PLA2R1: variants seen among roughly 807,000 people sequenced by gnomAD.
PLA2R1 encodes secretory phospholipase A2 receptor.
PLA2R1 carries 158 observed loss-of-function variants against 195.9 expected under a neutral mutation model. The observed-to-expected ratio is 0.81, with a 90% CI of 0.71 to 0.92. The LOEUF (loss-of-function observed/expected upper bound fraction) is 0.92. Ranked by LOEUF, PLA2R1 falls within the 40% of genes least tolerant of loss-of-function variation. The pLI, the probability that PLA2R1 is intolerant of heterozygous loss-of-function variation, is 0.00. For synonymous variants in PLA2R1, 586 were observed against 598.2 expected, an observed-to-expected ratio of 0.98 and a Z score of 0.30; for missense variants, 1,626 against 1,764.6, an observed-to-expected ratio of 0.92 and a Z score of 1.41.
intron 11 of PLA2R1, among the ~76,000 whole-genome samples, chr2:159,993,090 C>G (rs1207481026): frequency 6.6e-6 from 1 of 152,142 alleles, no homozygotes; most frequent in Non-Finnish European, 1.5e-5. Flanking sequence ...CACCATAGAG[C>G]AACCTCCACT....
intron 28 of PLA2R1, 94 bp downstream of exon 28, chr2:159,944,812 A>G: frequency 1.1e-6 from 1 of 903,698 alleles, no homozygotes; most frequent in Non-Finnish European, 1.8e-6. Context: ...ATACTCTCTC[A>G]ACTTGGATTT....
chr2:159,925,865 T>A, the PLA2R1 span, among the ~76,000 whole-genome samples: 1 of 152,182 alleles, frequency 6.6e-6, no homozygotes, highest in South Asian at 2.1e-4. Flanking sequence ...AGTGCTTGTC[T>A]CTCCCTTGGG....
At chr2:159,967,447 A>T in intron 20 of PLA2R1, 92 bp downstream of exon 20, 1 of 1,125,650 alleles carries the variant, frequency 8.9e-7, no homozygotes, top group Non-Finnish European at 1.3e-6. Flanking sequence ...GACAACTCAC[A>T]GCTTTCAAAA....
intron 2 of PLA2R1, among the ~76,000 whole-genome samples, chr2:160,044,455 C>T (rs1159205125): frequency 6.6e-6 from 1 of 152,098 alleles, no homozygotes; most frequent in Non-Finnish European, 1.5e-5. Context: ...TTCCTTCCAC[C>T]GTCCTTTTCT....
At position 160,022,792 on chromosome 2, in the gene PLA2R1, G is replaced by T. The variant is rs772454095; in HGVS notation, c.1167C>A (p.Cys389Ter). The stretch of plus-strand genomic sequence containing the variant: ...TCTTTTCTTCTTTCTGAAGTTTGTA[G>T]CAATTACGATTGTAGGGATTCCAGC... Reference protein sequence around the residue: ...EPGWNPYNRNCYKLQKEEKTW... With the variant: ...EPGWNPYNRN Residue 389 changes from cysteine (C) to a stop codon, truncating the protein, a stop_gained, in exon 7 of 30, where the codon TGC becomes TGA. Transcript: ENST00000283243. LOFTEE classifies it high-confidence loss of function. 2 of 1,613,338 alleles carry T rather than the reference G, an allele frequency of 1.2e-6. No individual in the cohort carries two copies. The highest frequency in any genetic ancestry group is 2.2e-5 in the East Asian group (1 of 44,882).
intron 11 of PLA2R1, among the ~76,000 whole-genome samples, chr2:159,991,784 G>T (rs1328870383): frequency 2.4e-5 from 3 of 126,862 alleles, no homozygotes; most frequent in Non-Finnish European, 5.0e-5. Context: ...CCCTACAAAG[G>T]ACATGAACTC....
chr2:160,007,256 T>C (rs923912308), intron 10 of PLA2R1, among the ~76,000 whole-genome samples: 2 of 152,272 alleles, frequency 1.3e-5, no homozygotes, highest in Non-Finnish European at 2.9e-5. Context: ...TGCTTTTCTC[T>C]ATCTCCTCTG....
chr2:160,007,443 G>A (rs775417495), intron 10 of PLA2R1, among the ~76,000 whole-genome samples: 1 of 152,178 alleles, frequency 6.6e-6, no homozygotes, highest in Non-Finnish European at 1.5e-5. Flanking sequence ...CCCATCCTGT[G>A]CTTGTAAAAT....
chr2:160,005,875 T>A (rs1691949486), intron 10 of PLA2R1, 54 bp from the exon 11 acceptor site: 2 of 1,276,846 alleles, frequency 1.6e-6, no homozygotes, highest in African/African-American at 1.5e-5. Context: ...AATAAAAAAA[T>A]GTCATTAAAG....
chr2:159,947,508 C>T lies in PLA2R1; in HGVS notation c.3761G>A (p.Trp1254Ter). 1 of 1,612,966 alleles carries T rather than the reference C, an allele frequency of 6.2e-7. No homozygotes were observed. Among genetic ancestry groups the T allele is most frequent in the Non-Finnish European group, 8.5e-7 (1 of 1,179,150 alleles). Reference sequence around the variant, plus strand: ...GTAGCAATTACTTTTAAATTTTATCCAGGGAATAGATGTTTCTGAGCACAA... The same window carrying T: ...GTAGCAATTACTTTTAAATTTTATCTAGGGAATAGATGTTTCTGAGCACAA... ...PELCSETSIP[W>*]IKFKSNCYSF... Residue 1254 changes from tryptophan (W) to a stop codon, truncating the protein, a stop_gained, in exon 26 of 30, where the codon TGG (tryptophan) becomes TAG (stop). Coordinates refer to ENST00000283243, the MANE Select transcript of PLA2R1 (RefSeq NM_007366.5). LOFTEE classifies it high-confidence loss of function.
Position 159,949,784 on chromosome 2 carries a change from G to A in PLA2R1, c.3541-8C>T. 3.7e-6 allele frequency: 6 copies of A among 1,611,200 alleles called. No homozygotes were observed. Among genetic ancestry groups the A allele is most frequent in the Non-Finnish European group, 5.1e-6 (6 of 1,177,684 alleles). ...GTCAAAATTAAGACCATTCTGTGGA[G>A]GAAAACTGAGCCATCATTTCCTTGC... On this transcript the variant is annotated splice_region_variant and splice_polypyrimidine_tract_variant and intron_variant, in intron 24 of 29. Transcript: ENST00000283243.
chr2:160,032,886 T>A, intron 4 of PLA2R1, 73 bp downstream of exon 4: 1 of 1,092,270 alleles, frequency 9.2e-7, no homozygotes, highest in Non-Finnish European at 1.3e-6. Context: ...AGAATATATT[T>A]TTGTATATGT....
chr2:160,056,405 G>T (rs940271208), intron 1 of PLA2R1, among the ~76,000 whole-genome samples: 1 of 152,104 alleles, frequency 6.6e-6, no homozygotes, highest in Non-Finnish European at 1.5e-5. Flanking sequence ...CTCCTCTGCT[G>T]TGAGGACCTT....
chr2:160,005,950 C>G, intron 10 of PLA2R1, 129 bp from the exon 11 acceptor site: 1 of 679,762 alleles, frequency 1.5e-6, no homozygotes, highest in Non-Finnish European at 2.6e-6. Context: ...GAACATGGAA[C>G]AGGAAAACAC....
intron 18 of PLA2R1, among the ~76,000 whole-genome samples, chr2:159,969,569 GTCTC>G (rs111327300): frequency 6.6e-6 from 1 of 152,020 alleles, no homozygotes; most frequent in African/African-American, 2.4e-5. Context: ...TTGAGATGGA[GTCTC>G]TCTCTGTCAC....
intron 29 of PLA2R1, 63 bp downstream of exon 29, chr2:159,942,064 A>C: frequency 6.4e-7 from 1 of 1,566,288 alleles, no homozygotes; most frequent in Non-Finnish European, 8.8e-7. Flanking sequence ...ACTGTCATAC[A>C]GCTGCTTTCT....
At chr2:159,945,644 TGCCGCAATAAAC>T (rs1305362812) in intron 27 of PLA2R1, among the ~76,000 whole-genome samples, 1 of 152,226 alleles carries the variant, frequency 6.6e-6, no homozygotes, top group Non-Finnish European at 1.5e-5. Flanking sequence ...TTGTGAATAG[TGCCGCAATAAAC>T]ATACGTGTGT....
Position 159,984,055 on chromosome 2 carries a change from C to CT in PLA2R1, c.2055dup (p.Val686SerfsTer11). The CT allele has an allele frequency of 1.9e-6, 3 of 1,563,418 alleles. No individual in the cohort carries two copies. Among genetic ancestry groups the CT allele is most frequent in the Non-Finnish European group, 2.6e-6 (3 of 1,138,238 alleles). ...TCTCTCCATGTTCTTTTCATCAGAA[C>CT]TTTTTCACTATGAAATACCTGTATA... On this transcript the variant is annotated frameshift_variant, in exon 13 of 30. Transcript: ENST00000283243. LOFTEE classifies it high-confidence loss of function.
chr2:159,988,761 G>T (rs1690539478), intron 11 of PLA2R1, among the ~76,000 whole-genome samples: 1 of 151,870 alleles, frequency 6.6e-6, no homozygotes, highest in South Asian at 2.1e-4. Context: ...TTCAGATACT[G>T]AGTACCTGGC....
Sources: allele counts gnomAD v4.1 joint callset (sites outside exome capture counted in the v4.1 genomes callset), GRCh38; gene constraint gnomAD v4.1.1; transcripts MANE v1.5; gene names NCBI Gene and HGNC (gene_info 2026-07-23, HGNC 2026-07-21).